SH3BP5: variants seen among roughly 807,000 people sequenced by gnomAD.
The protein encoded by SH3BP5 is SH3 domain binding protein 5, also known as SH3 domain-binding protein 5.
A neutral mutation model predicts 43.3 loss-of-function variants in SH3BP5; 22 were observed. That is an observed-to-expected ratio of 0.51 (90% CI 0.36 to 0.73). SH3BP5 has a LOEUF of 0.73. SH3BP5 is among the 30% of genes least tolerant of loss of function. The pLI is 0.00. For missense variants in SH3BP5, 529 were observed against 586.9 expected (o/e 0.90, Z 1.02); for synonymous variants, 255 against 225.8 (o/e 1.13, Z -1.16).
At chr3:15,312,368 C>T (rs947375351) in intron 2 of SH3BP5, among the ~76,000 whole-genome samples, 1 of 152,170 alleles carries the variant, frequency 6.6e-6, no homozygotes, top group African/African-American at 2.4e-5. Context: ...GGCTGATTGT[C>T]ATCTTAATGA....
intron 2 of SH3BP5, among the ~76,000 whole-genome samples, chr3:15,326,359 G>C (rs556778039): frequency 2.8e-4 from 43 of 152,306 alleles, no homozygotes; most frequent in African/African-American, 9.6e-4. Flanking sequence ...TCAGTCTCCA[G>C]CTACCCACAG....
At chr3:15,269,686 C>G (rs779336658) in intron 4 of SH3BP5, 27 bp downstream of exon 4, 6 of 1,539,984 alleles carry the variant, frequency 3.9e-6, no homozygotes, top group South Asian at 1.2e-5. Flanking sequence ...CGCACACCCC[C>G]ACAGCACACC....
At chr3:15,314,523 G>C (rs1311074720) in intron 2 of SH3BP5, among the ~76,000 whole-genome samples, 1 of 152,174 alleles carries the variant, frequency 6.6e-6, no homozygotes, top group Non-Finnish European at 1.5e-5. Flanking sequence ...GAGCAAGGGA[G>C]CCAAACCAGA....
At chr3:15,315,140 G>C (rs934542916) in intron 2 of SH3BP5, among the ~76,000 whole-genome samples, 4 of 152,024 alleles carry the variant, frequency 2.6e-5, no homozygotes, top group Non-Finnish European at 5.9e-5. Flanking sequence ...GGACACTTTT[G>C]AGAATAAGGA....
chr3:15,324,057 T>G (rs1013686564), intron 2 of SH3BP5, among the ~76,000 whole-genome samples: 2 of 152,198 alleles, frequency 1.3e-5, no homozygotes, highest in Non-Finnish European at 2.9e-5. Context: ...CAGGCTACCC[T>G]GAAGAGACGC....
intron 2 of SH3BP5, among the ~76,000 whole-genome samples, chr3:15,321,844 T>C (rs1192403442): frequency 1.3e-5 from 2 of 151,792 alleles, no homozygotes; most frequent in Non-Finnish European, 2.9e-5. Flanking sequence ...AGTCTTACTC[T>C]CAATTTCTGT....
chr3:15,283,834 G>A (rs1697193932), intron 3 of SH3BP5, among the ~76,000 whole-genome samples: 1 of 152,232 alleles, frequency 6.6e-6, no homozygotes, highest in Non-Finnish European at 1.5e-5. Context: ...GATGGAGGGA[G>A]GATAAAGGAG....
In SH3BP5 at chr3:15,255,120, C is replaced by CTTAACTACTA. The variant is rs1364109102; in HGVS notation, c.*956_*965dup. On this transcript the variant is annotated 3_prime_UTR_variant, in exon 9 of 9. Transcript: ENST00000383791. ...ACGTTAAAGAAAAGCAGTCTTAACA[C>CTTAACTACTA]TTAACTACTATTAACAGCCTTTGCC... The CTTAACTACTA allele has an allele frequency of 3.9e-5, 6 of 152,574 alleles. No individual in the cohort carries two copies. Among genetic ancestry groups the CTTAACTACTA allele is most frequent in the African/African-American group, 1.4e-4 (6 of 41,434 alleles). 9.5% of individuals were successfully genotyped at this position (152,574 alleles called of 1,614,324 possible). A position where few individuals can be genotyped will look rare whatever the true frequency, so the allele number is the denominator to read the frequency against.
At chr3:15,332,142 G>T (rs1289608514) in intron 1 of SH3BP5, 129 bp downstream of exon 1, 4 of 1,416,510 alleles carry the variant, frequency 2.8e-6, no homozygotes, top group Non-Finnish European at 3.8e-6. Flanking sequence ...ACCGTCTCCT[G>T]CCACCCTATG....
At chr3:15,340,079 C>T (rs550256171) in intron 1 of SH3BP5, among the ~76,000 whole-genome samples, 1 of 152,066 alleles carries the variant, frequency 6.6e-6, no homozygotes, top group African/African-American at 2.4e-5. Context: ...AAGAACAAAT[C>T]ATCTCAGCAC....
intron 2 of SH3BP5, among the ~76,000 whole-genome samples, chr3:15,325,990 G>A (rs1698451879): frequency 6.6e-6 from 1 of 152,168 alleles, no homozygotes; most frequent in Non-Finnish European, 1.5e-5. Flanking sequence ...CTGCACTCCA[G>A]CCTGAGTGAC....
intron 5 of SH3BP5, 95 bp from the exon 6 acceptor site, chr3:15,259,898 C>T: frequency 9.0e-7 from 1 of 1,109,286 alleles, no homozygotes; most frequent in South Asian, 1.2e-5. Context: ...CTACCACTGG[C>T]CAGGTCGTCC....
chr3:15,318,221 G>A (rs1485412916), intron 2 of SH3BP5, among the ~76,000 whole-genome samples: 1 of 152,126 alleles, frequency 6.6e-6, no homozygotes, highest in Non-Finnish European at 1.5e-5. Context: ...TTACTTAGGT[G>A]CCATTATTTA....
rs998381489 is a variant in SH3BP5 at position 15,332,218 on chromosome 3, C to T, written c.138+53G>A. ...AGTGGCTGTACGCGTAGACACCGAC[C>T]TCCGTAGCAGCCCTCGCGAAGCCCG... On this transcript the variant is annotated intron_variant, in intron 1 of 8. Coordinates refer to ENST00000383791, the MANE Select transcript of SH3BP5 (RefSeq NM_004844.5). The T allele has an allele frequency of 9.0e-6, 14 of 1,547,774 alleles. No homozygotes were observed. In the Admixed American group the frequency reaches 2.7e-4, roughly 30 times the overall value.
upstream of SH3BP5, chr3:15,333,360 C>A: frequency 1.5e-6 from 1 of 672,966 alleles, no homozygotes; most frequent in Non-Finnish European, 1.8e-6. Context: ...CAGATGAGCA[C>A]ATGGCTGCTC....
intron 4 of SH3BP5, among the ~76,000 whole-genome samples, chr3:15,267,930 G>A (rs1696688782): frequency 6.6e-6 from 1 of 152,194 alleles, no homozygotes; most frequent in South Asian, 2.1e-4. Flanking sequence ...GGTGGAAGAA[G>A]GGCAAAAAGG....
intron 3 of SH3BP5, among the ~76,000 whole-genome samples, chr3:15,272,528 TAAAG>T (rs1224120202): frequency 8.6e-6 from 1 of 116,438 alleles, no homozygotes; most frequent in East Asian, 2.8e-4. Flanking sequence ...TTTGAGACTC[TAAAG>T]ACATTACAAA....
intron 2 of SH3BP5, among the ~76,000 whole-genome samples, chr3:15,309,658 G>A (rs1697999258): frequency 6.6e-6 from 1 of 152,194 alleles, no homozygotes; most frequent in African/African-American, 2.4e-5. Context: ...AGACTCCTCA[G>A]GTGATTCTGA....
chr3:15,259,908 CT>C, intron 5 of SH3BP5, 105 bp from the exon 6 acceptor site: 1 of 1,017,418 alleles, frequency 9.8e-7, no homozygotes, highest in Non-Finnish European at 1.6e-6. Context: ...CCAGGTCGTC[CT>C]TCCAATATTT....
Sources: allele counts gnomAD v4.1 joint callset (sites outside exome capture counted in the v4.1 genomes callset), GRCh38; gene constraint gnomAD v4.1.1; transcripts MANE v1.5; gene names NCBI Gene and HGNC (gene_info 2026-07-23, HGNC 2026-07-21).